KMT2E: variants seen among roughly 807,000 people sequenced by gnomAD.
KMT2E encodes the protein lysine methyltransferase 2E (inactive).
Under a neutral mutation model 184.6 loss-of-function variants are expected in KMT2E, and 30 were observed. That is an observed-to-expected ratio of 0.16 (90% confidence interval 0.12 to 0.22). KMT2E has a LOEUF of 0.22. Among genes scored for constraint, KMT2E ranks in the 10% least tolerant of loss-of-function variants. KMT2E has a pLI of 1.00. For synonymous variants in KMT2E, 815 were observed against 776.5 expected (o/e 1.05, Z -0.82); for missense variants, 2,023 against 2,237.4 (o/e 0.90, Z 1.93).
At chr7:105,021,006 TAC>T (rs1456325593) in intron 1 of KMT2E, among the ~76,000 whole-genome samples, 10 of 152,230 alleles carry the variant, frequency 6.6e-5, no homozygotes, top group African/African-American at 2.4e-4. Flanking sequence ...TTTTTGAGTT[TAC>T]AGAGAGATAT....
At chr7:105,100,654 AG>A (rs1798614909) in intron 15 of KMT2E, among the ~76,000 whole-genome samples, 1 of 152,246 alleles carries the variant, frequency 6.6e-6, no homozygotes, top group Admixed American at 6.5e-5. Context: ...CAGTGAAGAC[AG>A]GAAGAGCAGA....
chr7:105,016,974 G>A (rs556586308), intron 1 of KMT2E, among the ~76,000 whole-genome samples: 286 of 152,294 alleles, frequency 1.9e-3, no homozygotes, highest in Non-Finnish European at 3.3e-3. Context: ...TTATTATAAA[G>A]TGAAATGTTG....
At chr7:105,091,093 TAATTTA>T in intron 14 of KMT2E, 117 bp from the exon 15 acceptor site, 1 of 503,894 alleles carries the variant, frequency 2.0e-6, no homozygotes, top group Non-Finnish European at 3.6e-6. Context: ...ATTTCTTAAA[TAATTTA>T]AATAGGCTGT....
At chr7:105,095,671 A>G (rs1798377252) in intron 15 of KMT2E, among the ~76,000 whole-genome samples, 1 of 152,136 alleles carries the variant, frequency 6.6e-6, no homozygotes, top group Non-Finnish European at 1.5e-5. Context: ...TGCTTTTACA[A>G]AAGCAAATTT....
intron 6 of KMT2E, among the ~76,000 whole-genome samples, chr7:105,072,901 C>G (rs931374611): frequency 6.6e-6 from 1 of 150,574 alleles, no homozygotes; most frequent in Admixed American, 6.6e-5. Context: ...GCAATAAGAG[C>G]GAAACTCCAT....
At chr7:105,101,048 A>G (rs989872161) in intron 15 of KMT2E, among the ~76,000 whole-genome samples, 2 of 152,182 alleles carry the variant, frequency 1.3e-5, no homozygotes, top group Non-Finnish European at 2.9e-5. Context: ...CCTTTTCAAC[A>G]TATCATTACC....
chr7:105,052,434 A>G (rs1209096687), intron 3 of KMT2E, among the ~76,000 whole-genome samples: 1 of 152,222 alleles, frequency 6.6e-6, no homozygotes, highest in East Asian at 1.9e-4. Context: ...CTTTATGACT[A>G]TAAACATCTT....
chr7:105,049,801 G>T (rs542280484), intron 3 of KMT2E, among the ~76,000 whole-genome samples: 4 of 152,122 alleles, frequency 2.6e-5, no homozygotes, highest in African/African-American at 9.6e-5. Flanking sequence ...ACACGCAGGA[G>T]AATTGCTTGA....
chr7:105,110,451 T>C lies in KMT2E; in HGVS notation c.3845-26T>C, dbSNP rs769065423. The stretch of plus-strand genomic sequence containing the variant: ...GTTCTTTGCAGCTCTAATGTTCTCT[T>C]TGGGTCTGCTCTGCTTCATCTCTAG... On this transcript the variant is annotated intron_variant, in intron 24 of 26. Coordinates refer to ENST00000311117, the MANE Select transcript of KMT2E (RefSeq NM_182931.3). 6.8e-6 allele frequency: 11 copies of C among 1,614,056 alleles called. No homozygotes were observed. In the South Asian group the frequency reaches 1.1e-4, roughly 16 times the overall value.
At chr7:105,031,413 G>A (rs1202657853) in intron 1 of KMT2E, among the ~76,000 whole-genome samples, 1 of 151,454 alleles carries the variant, frequency 6.6e-6, no homozygotes, top group Non-Finnish European at 1.5e-5. Flanking sequence ...TAAAATAATT[G>A]CCAACTTCAT....
intron 15 of KMT2E, among the ~76,000 whole-genome samples, chr7:105,094,339 C>G (rs1010027898): frequency 2.6e-5 from 4 of 152,130 alleles, no homozygotes; most frequent in Non-Finnish European, 1.5e-5. Flanking sequence ...GAGAAACTTA[C>G]GTCAAACTGA....
intron 7 of KMT2E, 66 bp downstream of exon 7, chr7:105,073,743 C>T: frequency 1.1e-6 from 1 of 930,388 alleles, no homozygotes; most frequent in Non-Finnish European, 1.7e-6. Flanking sequence ...GTTCTCTCAA[C>T]TTTTAGTTAA....
intron 2 of KMT2E, among the ~76,000 whole-genome samples, chr7:105,040,432 G>T (rs1795829115): frequency 6.6e-6 from 1 of 152,128 alleles, no homozygotes; most frequent in Non-Finnish European, 1.5e-5. Flanking sequence ...GGATTAAATA[G>T]ACCATCCATG....
chr7:105,063,912 C>G, intron 5 of KMT2E: 1 of 448,474 alleles, frequency 2.2e-6, no homozygotes, highest in East Asian at 6.7e-5. Flanking sequence ...TTTGTATTTC[C>G]TTTGGAATAA....
chr7:105,025,990 A>G (rs1795161763), intron 1 of KMT2E, among the ~76,000 whole-genome samples: 1 of 152,248 alleles, frequency 6.6e-6, no homozygotes, highest in East Asian at 1.9e-4. Flanking sequence ...TGGTTTATGT[A>G]GGAACAAGAA....
At chr7:105,034,958 C>A (rs1454147380) in intron 1 of KMT2E, among the ~76,000 whole-genome samples, 1 of 151,500 alleles carries the variant, frequency 6.6e-6, no homozygotes, top group Admixed American at 6.6e-5. Flanking sequence ...CAGGTTCAAG[C>A]AATTCTTGTG....
intron 8 of KMT2E, among the ~76,000 whole-genome samples, chr7:105,075,131 C>G (rs576234793): frequency 2.0e-5 from 3 of 151,086 alleles, no homozygotes; most frequent in Non-Finnish European, 4.4e-5. Context: ...ACTTGTCTGT[C>G]TGACATAATC....
intron 3 of KMT2E, among the ~76,000 whole-genome samples, chr7:105,042,777 G>T (rs1795937910): frequency 6.6e-6 from 1 of 152,166 alleles, no homozygotes; most frequent in Admixed American, 6.6e-5. Context: ...AAAAATAATA[G>T]ATTGTAAGAG....
chr7:105,025,707 TCTA>T (rs1248293288), intron 1 of KMT2E, among the ~76,000 whole-genome samples: 1 of 152,200 alleles, frequency 6.6e-6, no homozygotes, highest in Non-Finnish European at 1.5e-5. Context: ...TTTATATTAT[TCTA>T]CTAAGTATTA....
Sources: gnomAD v4.1 joint callset for allele counts (sites outside exome capture counted in the v4.1 genomes callset) on GRCh38, gnomAD v4.1.1 for gene constraint, MANE v1.5 for transcripts, NCBI Gene and HGNC (gene_info 2026-07-23, HGNC 2026-07-21) for gene names.